CDC45: variants seen among roughly 807,000 people sequenced by gnomAD.
CDC45 encodes cell division cycle 45, also known as cell division control protein 45 homolog.
In CDC45, 54 loss-of-function variants were observed where a neutral mutation model predicts 77.8. The observed-to-expected ratio is 0.69, with a 90% confidence interval of 0.56 to 0.87. The LOEUF is 0.87. Among genes scored for constraint, CDC45 ranks in the 40% least tolerant of loss-of-function variants. CDC45 has a pLI of 0.00. For synonymous variants in CDC45, 260 were observed against 272.1 expected (o/e 0.96, Z 0.44); for missense variants, 649 against 721.6 (o/e 0.90, Z 1.15).
chr22:19,514,715 G>A (rs200464851), intron 13 of CDC45, 34 bp from the exon 14 acceptor site: 3 of 1,543,530 alleles, frequency 1.9e-6, no homozygotes, highest in Non-Finnish European at 2.6e-6. Context: ...TTCCTGACAA[G>A]CACCACCAAA....
chr22:19,518,621 C>T (rs539291478), intron 17 of CDC45, among the ~76,000 whole-genome samples: 3 of 152,256 alleles, frequency 2.0e-5, no homozygotes, highest in Admixed American at 2.0e-4. Context: ...GGGGGGAGTT[C>T]TCCCTGCAGG....
intron 5 of CDC45, among the ~76,000 whole-genome samples, chr22:19,491,266 C>CT (rs2090149415): frequency 6.6e-6 from 1 of 152,132 alleles, no homozygotes; most frequent in South Asian, 2.1e-4. Flanking sequence ...TAAGGAAAGC[C>CT]TATTGTATTT....
At chr22:19,507,060 C>T (rs981377438) in intron 10 of CDC45, among the ~76,000 whole-genome samples, 5 of 152,200 alleles carry the variant, frequency 3.3e-5, no homozygotes, top group Non-Finnish European at 7.3e-5. Flanking sequence ...TGCAGGACGA[C>T]AAGCTGGTGA....
At position 19,481,058 on chromosome 22, in the gene CDC45, C is replaced by A; in HGVS notation, c.204+13C>A. On this transcript the variant is annotated intron_variant, in intron 3 of 18. Transcript: ENST00000263201. ...GCATAAAGAACAGGTATTGAAGATG[C>A]GTTTTAGAATAACGTGGCTTTTTAC... 1 of 1,561,798 alleles carries A rather than the reference C, an allele frequency of 6.4e-7. No individual in the cohort carries two copies. Among genetic ancestry groups the A allele is most frequent in the Admixed American group, 1.7e-5 (1 of 59,256 alleles).
chr22:19,516,433 G>A, intron 15 of CDC45, 94 bp from the exon 16 acceptor site: 4 of 1,018,396 alleles, frequency 3.9e-6, no homozygotes, highest in African/African-American at 1.6e-5. Context: ...GAGGCTTTGG[G>A]GAGTGGAGTG....
At chr22:19,497,722 C>G (rs2090268224) in intron 8 of CDC45, among the ~76,000 whole-genome samples, 1 of 152,150 alleles carries the variant, frequency 6.6e-6, no homozygotes, top group South Asian at 2.1e-4. Context: ...TCAGCCTGTA[C>G]TCAGTAAAGT....
chr22:19,511,386 A>G (rs1180938532), intron 13 of CDC45, among the ~76,000 whole-genome samples: 5 of 142,576 alleles, frequency 3.5e-5, no homozygotes, highest in South Asian at 4.3e-4. Flanking sequence ...GCTGGAGTGC[A>G]GTGGTGCAGT....
chr22:19,513,457 C>T (rs1367311939), intron 13 of CDC45, among the ~76,000 whole-genome samples: 2 of 152,154 alleles, frequency 1.3e-5, no homozygotes, highest in South Asian at 4.1e-4. Context: ...TTAATTGCCT[C>T]CTTTATCACA....
At chr22:19,501,231 C>T (rs1180205731) in intron 9 of CDC45, among the ~76,000 whole-genome samples, 1 of 152,018 alleles carries the variant, frequency 6.6e-6, no homozygotes, top group Non-Finnish European at 1.5e-5. Flanking sequence ...CTACCTGAAG[C>T]CCCTTATGGG....
At chr22:19,507,921 G>C in intron 12 of CDC45, 57 bp downstream of exon 12, 4 of 1,196,726 alleles carry the variant, frequency 3.3e-6, no homozygotes, top group Non-Finnish European at 4.9e-6. Context: ...TTAAAGTGAA[G>C]GGTTCTACTT....
intron 7 of CDC45, 80 bp from the exon 8 acceptor site, chr22:19,497,306 C>A: frequency 7.3e-7 from 1 of 1,365,648 alleles, no homozygotes; most frequent in Non-Finnish European, 1.0e-6. Context: ...GCCCTTCTGG[C>A]TCAAGTCCAG....
rs2090235023 is a variant in CDC45, at chr22:19,495,987, C to A, written c.549C>A (p.Asp183Glu). ...GCATTTTATGTCATTACAGAAGAGA[C>A]ATCCTCTTTGACTACGAGCAGTATG... is the stretch of plus-strand genomic sequence containing the variant. ...QRREWEARRR[D>E]ILFDYEQYEY... Residue 183 changes from aspartate (D) to glutamate (E), a missense_variant, in exon 7 of 19, where the codon GAC becomes GAA. Asp to Glu is a conservative substitution (Grantham distance 45). Transcript: ENST00000263201. 3 of 1,610,304 alleles carry A rather than the reference C, an allele frequency of 1.9e-6. No homozygotes were observed. The highest frequency in any genetic ancestry group is 2.5e-6 in the Non-Finnish European group (3 of 1,176,584).
At chr22:19,479,791 A>C (rs2089942312), upstream of CDC45, 1 of 680,934 alleles carries the variant, frequency 1.5e-6, no homozygotes, top group African/African-American at 1.8e-5. Context: ...TGAATGGCAG[A>C]GCGCTAATGG....
At position 19,518,840 on chromosome 22, in the gene CDC45, T is replaced by C; in HGVS notation, c.1637-4T>C. On this transcript the variant is annotated splice_region_variant and splice_polypyrimidine_tract_variant and intron_variant, in intron 17 of 18. Coordinates refer to ENST00000263201, the MANE Select transcript of CDC45 (RefSeq NM_003504.5). ...TCACGGCTGTTTTTCTTTCATTACT[T>C]CAGTAATTGAGCTGAAAGCTGAGGA... 6.2e-7 allele frequency: 1 copy of C among 1,613,644 alleles called. No homozygotes were observed. Among genetic ancestry groups the C allele is most frequent in the Non-Finnish European group, 8.5e-7 (1 of 1,179,544 alleles).
At chr22:19,486,389 C>T (rs1027878151) in intron 5 of CDC45, among the ~76,000 whole-genome samples, 1 of 152,216 alleles carries the variant, frequency 6.6e-6, no homozygotes, top group East Asian at 1.9e-4. Flanking sequence ...ATTCTCCAAT[C>T]AAGATTAAGA....
At position 19,516,065 on chromosome 22, in the gene CDC45, G is replaced by C. The variant is rs370671861; in HGVS notation, c.1441-462G>C. ...CCTGAAGGAGCGTGCCGGCGGGGGGGACGAGGAGTGGCAGCTGCGGTTAAG... is the reference window on the plus strand; with the variant it reads ...CCTGAAGGAGCGTGCCGGCGGGGGGCACGAGGAGTGGCAGCTGCGGTTAAG... On this transcript the variant is annotated intron_variant, in intron 15 of 18. Transcript: ENST00000263201. Among the ~76,000 whole-genome samples, 4 of 152,100 alleles carry C rather than the reference G, an allele frequency of 2.6e-5. No homozygotes were observed. In the East Asian group the frequency reaches 7.7e-4, roughly 29 times the overall value.
intron 18 of CDC45, among the ~76,000 whole-genome samples, chr22:19,519,541 C>T (rs1434348332): frequency 2.6e-5 from 4 of 152,226 alleles, no homozygotes; most frequent in African/African-American, 9.6e-5. Context: ...GTAACCATCT[C>T]TCAGCCCAGG....
intron 10 of CDC45, 36 bp from the exon 11 acceptor site, chr22:19,507,350 A>T (rs368658985): frequency 3.7e-6 from 6 of 1,606,414 alleles, no homozygotes; most frequent in Non-Finnish European, 4.3e-6. Context: ...CAGGGCGGCC[A>T]GTGGGTGCTT....
chr22:19,507,745 G>A, intron 11 of CDC45, 21 bp from the exon 12 acceptor site: 4 of 1,566,620 alleles, frequency 2.6e-6, no homozygotes, highest in African/African-American at 1.4e-5. Flanking sequence ...CACTCATGTG[G>A]CTTGGGCTTG....
Sources: gnomAD v4.1 joint callset for allele counts (sites outside exome capture counted in the v4.1 genomes callset) on GRCh38, gnomAD v4.1.1 for gene constraint, MANE v1.5 for transcripts, NCBI Gene and HGNC (gene_info 2026-07-23, HGNC 2026-07-21) for gene names.